ATP8B4: variants seen among roughly 807,000 people sequenced by gnomAD.
The protein encoded by ATP8B4 is ATPase phospholipid transporting 8B4 (putative).
In ATP8B4, 133 loss-of-function variants were observed where a neutral mutation model predicts 145.6. The ratio of observed to expected loss-of-function variants is 0.91; its 90% CI spans 0.79 to 1.05. The LOEUF (loss-of-function observed/expected upper bound fraction) is 1.05. Ranked by LOEUF, ATP8B4 falls within the 50% of genes least tolerant of loss-of-function variation. The pLI, the probability that ATP8B4 is intolerant of heterozygous loss-of-function variation, is 0.00. For missense variants in ATP8B4, 1,458 were observed against 1,425.2 expected (o/e 1.02, Z -0.37); for synonymous variants, 507 against 492.9 (o/e 1.03, Z -0.38).
In ATP8B4 at chr15:50,018,934, A is replaced by G. The variant is rs764300322; in HGVS notation, c.363-8017T>C. The G allele has an allele frequency of 4.5e-5, 57 of 1,263,310 alleles. No homozygotes were observed. The South Asian group carries it at 6.8e-4, about 15-fold the overall frequency. 78.3% of individuals were successfully genotyped at this position (1,263,310 alleles called of 1,614,324 possible). On this transcript the variant is annotated intron_variant, in intron 6 of 27. Coordinates refer to ENST00000284509, the MANE Select transcript of ATP8B4 (RefSeq NM_024837.4). Reference sequence around the variant, plus strand: ...AAATCTTCTTCCTTACAATTACCAGAGTACTTCCTGTCATTAAACCCTCAG... The same window carrying G: ...AAATCTTCTTCCTTACAATTACCAGGGTACTTCCTGTCATTAAACCCTCAG...
intron 23 of ATP8B4, among the ~76,000 whole-genome samples, chr15:49,884,121 AG>A: frequency 6.6e-6 from 1 of 152,330 alleles, no homozygotes; most frequent in East Asian, 1.9e-4. Context: ...AATTAATAAA[AG>A]TATTTAGATT....
chr15:50,173,435 A>G (rs1009265157), intron 1 of ATP8B4, among the ~76,000 whole-genome samples: 5 of 152,056 alleles, frequency 3.3e-5, no homozygotes, highest in Non-Finnish European at 7.4e-5. Context: ...GTGTCCACTA[A>G]GGGTTAAATG....
intron 24 of ATP8B4, among the ~76,000 whole-genome samples, chr15:49,877,797 C>T (rs1390130085): frequency 6.6e-6 from 1 of 152,032 alleles, no homozygotes; most frequent in African/African-American, 2.4e-5. Context: ...CTTGCCACAT[C>T]GTAAGTAATA....
At chr15:50,052,016 G>T (rs1474758229) in intron 3 of ATP8B4, among the ~76,000 whole-genome samples, 1 of 152,206 alleles carries the variant, frequency 6.6e-6, no homozygotes, top group African/African-American at 2.4e-5. Context: ...CAAGGAACAA[G>T]GGCTCCCCCT....
chr15:49,872,338 T>C (rs2033789855), intron 25 of ATP8B4, among the ~76,000 whole-genome samples: 3 of 152,156 alleles, frequency 2.0e-5, no homozygotes. Flanking sequence ...AGTTTTAACA[T>C]ATAACCACTA....
chr15:49,862,307 C>A lies in ATP8B4; in HGVS notation c.3235G>T (p.Val1079Phe). The A allele has an allele frequency of 6.2e-7, 1 of 1,613,796 alleles. No homozygotes were observed. The highest frequency in any genetic ancestry group is 8.5e-7 in the Non-Finnish European group (1 of 1,179,738). Residue 1079 changes from valine (V) to phenylalanine (F), a missense_variant, in exon 27 of 28, where the codon GTT becomes TTT. Val to Phe is a conservative substitution (Grantham distance 50). Transcript: ENST00000284509. Reference sequence around the variant, plus strand: ...AATCTGAATGCCACCACTGGCATAACTGAAGCCACTGTTGTTAAGAGAATT... The same window carrying A: ...AATCTGAATGCCACCACTGGCATAAATGAAGCCACTGTTGTTAAGAGAATT... ...LVILLTTVAS[V>F]MPVVAFRFLK...
chr15:49,889,854 G>A (rs2036604049), intron 23 of ATP8B4, among the ~76,000 whole-genome samples: 1 of 152,174 alleles, frequency 6.6e-6, no homozygotes, highest in Non-Finnish European at 1.5e-5. Context: ...GTTTACATTT[G>A]GTCAGATGTT....
At chr15:49,920,098 G>A in intron 18 of ATP8B4, 148 bp downstream of exon 18, 1 of 1,100,038 alleles carries the variant, frequency 9.1e-7, no homozygotes, top group Non-Finnish European at 1.3e-6. Flanking sequence ...AAAACTCAAA[G>A]CCAACATATA....
intron 23 of ATP8B4, among the ~76,000 whole-genome samples, chr15:49,890,248 G>A (rs2036643996): frequency 6.6e-6 from 1 of 152,188 alleles, no homozygotes; most frequent in Admixed American, 6.5e-5. Context: ...ATATGTGTGA[G>A]AGTCTCACTG....
chr15:50,150,643 T>C (rs1420393225), intron 1 of ATP8B4, among the ~76,000 whole-genome samples: 1 of 152,224 alleles, frequency 6.6e-6, no homozygotes, highest in African/African-American at 2.4e-5. Flanking sequence ...CTGGAGTCCA[T>C]TATTAAGTTT....
At chr15:49,977,955 A>G (rs944901712) in intron 12 of ATP8B4, among the ~76,000 whole-genome samples, 7 of 152,290 alleles carry the variant, frequency 4.6e-5, no homozygotes, top group South Asian at 2.1e-4. Flanking sequence ...TAGTGGCAGT[A>G]CCAAGACCAG....
intron 2 of ATP8B4, among the ~76,000 whole-genome samples, chr15:50,097,959 C>T (rs903072659): frequency 1.3e-5 from 2 of 152,086 alleles, no homozygotes; most frequent in Admixed American, 6.6e-5. Context: ...TTTACAAATG[C>T]GAAAATTGAG....
intron 19 of ATP8B4, among the ~76,000 whole-genome samples, 174 bp downstream of exon 19, chr15:49,918,665 T>G (rs185820015): frequency 6.6e-6 from 1 of 152,378 alleles, no homozygotes; most frequent in Admixed American, 6.5e-5. Context: ...TAGTTTGGTT[T>G]GTTTTAAAAT....
chr15:50,044,869 T>C (rs1441838238), intron 4 of ATP8B4, among the ~76,000 whole-genome samples, 177 bp from the exon 5 acceptor site: 1 of 152,246 alleles, frequency 6.6e-6, no homozygotes, highest in Admixed American at 6.5e-5. Flanking sequence ...GTAGAATTAT[T>C]ATTGAACTTG....
intron 8 of ATP8B4, among the ~76,000 whole-genome samples, chr15:49,998,215 T>C (rs956523752): frequency 6.6e-6 from 1 of 152,220 alleles, no homozygotes; most frequent in Admixed American, 6.5e-5. Context: ...ACAGGCCTTC[T>C]TGATACTTTT....
At chr15:50,109,591 G>A (rs926146592) in intron 1 of ATP8B4, among the ~76,000 whole-genome samples, 1 of 151,758 alleles carries the variant, frequency 6.6e-6, no homozygotes, top group African/African-American at 2.4e-5. Flanking sequence ...GTGTTCATTG[G>A]CTGAGTCCCC....
intron 25 of ATP8B4, among the ~76,000 whole-genome samples, chr15:49,873,261 C>T (rs1186123454): frequency 1.3e-5 from 2 of 152,196 alleles, no homozygotes; most frequent in Non-Finnish European, 2.9e-5. Flanking sequence ...CTTATGTCTT[C>T]TAGCCCAGAA....
At chr15:49,983,066 GACT>G (rs1195133532) in intron 10 of ATP8B4, among the ~76,000 whole-genome samples, 1 of 151,992 alleles carries the variant, frequency 6.6e-6, no homozygotes. Flanking sequence ...GAATCCTTAA[GACT>G]CAGGCATAGG....
chr15:50,141,014 G>T (rs1488129124), intron 1 of ATP8B4, among the ~76,000 whole-genome samples: 1 of 152,076 alleles, frequency 6.6e-6, no homozygotes, highest in Non-Finnish European at 1.5e-5. Flanking sequence ...CATCATGGAA[G>T]GAGCTGTTGG....
Sources: allele counts gnomAD v4.1 joint callset (sites outside exome capture counted in the v4.1 genomes callset), GRCh38; gene constraint gnomAD v4.1.1; transcripts MANE v1.5; gene names NCBI Gene and HGNC (gene_info 2026-07-23, HGNC 2026-07-21).